SEMA6D: variants seen among roughly 807,000 people sequenced by gnomAD.
The protein encoded by SEMA6D is semaphorin-6D.
SEMA6D carries 35 observed loss-of-function variants against 106.6 expected under a neutral mutation model. The ratio of observed to expected loss-of-function variants is 0.33; its 90% CI spans 0.25 to 0.44. SEMA6D has a LOEUF of 0.44. Among genes scored for constraint, SEMA6D ranks in the 20% least tolerant of loss-of-function variants. The probability of loss-of-function intolerance (pLI) is 1.00; values close to 1 mark genes in which losing one functional copy is unlikely to be tolerated. For missense variants in SEMA6D, 1,185 were observed against 1,345.9 expected (o/e 0.88, Z 1.87); for synonymous variants, 499 against 487.7 (o/e 1.02, Z -0.31).
At chr15:47,584,807 A>G (rs890190436) in intron 3 of SEMA6D, among the ~76,000 whole-genome samples, 2 of 152,184 alleles carry the variant, frequency 1.3e-5, no homozygotes, top group African/African-American at 2.4e-5. Context: ...TTTTTCATTC[A>G]TGCATGTATT....
In SEMA6D at chr15:47,758,987, C is replaced by T. The variant is rs908190564; in HGVS notation, c.-54-758C>T. Among the ~76,000 whole-genome samples the T allele has an allele frequency of 2.0e-5, 3 of 152,140 alleles. No homozygotes were observed. The East Asian group carries it at 5.8e-4, about 29-fold the overall frequency. ...TGAAGTTCAATAAAGCTAAAAGGAC[C>T]GGTGTACTTAGGGTATTGGTTTGTG... On this transcript the variant is annotated intron_variant, in intron 1 of 18. Transcript: ENST00000536845.
At chr15:47,510,753 T>C (rs1251592480) in intron 3 of SEMA6D, among the ~76,000 whole-genome samples, 2 of 152,050 alleles carry the variant, frequency 1.3e-5, no homozygotes, top group African/African-American at 2.4e-5. Flanking sequence ...AAGTGGGGCT[T>C]GAGCTAAGCA....
chr15:47,757,653 C>G (rs1000187988), intron 1 of SEMA6D, among the ~76,000 whole-genome samples: 1 of 152,046 alleles, frequency 6.6e-6, no homozygotes, highest in Non-Finnish European at 1.5e-5. Flanking sequence ...CTTTATTTTC[C>G]AGGTCCAATA....
At position 47,764,993 on chromosome 15, in the gene SEMA6D, C is replaced by A. The variant is rs370604651; in HGVS notation, c.1364C>A (p.Thr455Asn). 6.2e-6 allele frequency: 10 copies of A among 1,613,794 alleles called. No homozygotes were observed. In the African/African-American group the frequency reaches 1.2e-4, roughly 19 times the overall value. ...AGMVLKVLAK[T>N]SPFSLNDSVL... ...ATGGTACTTAAAGTTCTGGCAAAGA[C>A]CAGTCCTTTCTCTTTGAACGACAGC... The change falls in exon 13 of 19, where the codon ACC becomes AAC. Residue 455 changes from threonine to asparagine, a missense_variant. By Grantham distance (65) the Thr-to-Asn change is moderately conservative. This residue lies in a region of SEMA6D where 750 missense variants were observed against 783.5 expected (regional missense o/e 0.96). Transcript: ENST00000536845.
At chr15:47,438,126 C>T (rs2041778327) in intron 2 of SEMA6D, among the ~76,000 whole-genome samples, 1 of 152,050 alleles carries the variant, frequency 6.6e-6, no homozygotes, top group African/African-American at 2.4e-5. Context: ...CTGCTCACAC[C>T]CAAACTTCTT....
At chr15:47,671,159 GA>G (rs2078128937) in intron 4 of SEMA6D, among the ~76,000 whole-genome samples, 1 of 152,148 alleles carries the variant, frequency 6.6e-6, no homozygotes, top group Non-Finnish European at 1.5e-5. Flanking sequence ...AATTGAGTTA[GA>G]AAAGGAAACT....
chr15:47,497,860 T>C (rs534137601), intron 3 of SEMA6D, among the ~76,000 whole-genome samples: 1 of 152,256 alleles, frequency 6.6e-6, no homozygotes, highest in Admixed American at 6.5e-5. Flanking sequence ...TCTTTGGCCT[T>C]CTTTGGCTTC....
At chr15:47,280,082 G>T (rs2035039803) in intron 1 of SEMA6D, among the ~76,000 whole-genome samples, 1 of 151,708 alleles carries the variant, frequency 6.6e-6, no homozygotes, top group Admixed American at 6.6e-5. Context: ...CTATTGATTG[G>T]AATAGTTTCA....
intron 1 of SEMA6D, among the ~76,000 whole-genome samples, chr15:47,754,329 G>C (rs1489768416): frequency 6.6e-6 from 1 of 152,098 alleles, no homozygotes; most frequent in Non-Finnish European, 1.5e-5. Flanking sequence ...ATTTCTTTTA[G>C]TTTGCATCTG....
intron 1 of SEMA6D, among the ~76,000 whole-genome samples, chr15:47,379,017 T>C (rs1358242827): frequency 6.6e-6 from 1 of 152,134 alleles, no homozygotes; most frequent in Admixed American, 6.5e-5. Flanking sequence ...ACAGAAAGGG[T>C]AGAATTATGT....
chr15:47,192,904 T>A (rs1894062114), intron 1 of SEMA6D, among the ~76,000 whole-genome samples: 1 of 152,198 alleles, frequency 6.6e-6, no homozygotes, highest in South Asian at 2.1e-4. Context: ...GGCATTTCTC[T>A]TACCTAGTAT....
intron 4 of SEMA6D, among the ~76,000 whole-genome samples, chr15:47,634,678 C>T (rs1345850596): frequency 2.0e-5 from 3 of 152,142 alleles, no homozygotes; most frequent in Admixed American, 6.5e-5. Flanking sequence ...AGGCTCAACC[C>T]ACCACTAGAC....
At chr15:47,584,876 C>T (rs2076310541) in intron 3 of SEMA6D, among the ~76,000 whole-genome samples, 1 of 152,086 alleles carries the variant, frequency 6.6e-6, no homozygotes, top group Admixed American at 6.6e-5. Flanking sequence ...TCACCTTGCT[C>T]CAGGGTTTCT....
At chr15:47,559,533 A>G (rs1030664766) in intron 3 of SEMA6D, among the ~76,000 whole-genome samples, 3 of 152,170 alleles carry the variant, frequency 2.0e-5, no homozygotes, top group Non-Finnish European at 4.4e-5. Flanking sequence ...GTTAAAGCTT[A>G]GTAGAAGCTA....
chr15:47,689,325 A>G (rs2078535231), intron 4 of SEMA6D, among the ~76,000 whole-genome samples: 1 of 152,238 alleles, frequency 6.6e-6, no homozygotes, highest in Non-Finnish European at 1.5e-5. Context: ...AGAAGATGCT[A>G]TAAGAAGGCA....
At chr15:47,758,371 G>A (rs1351612704) in intron 1 of SEMA6D, among the ~76,000 whole-genome samples, 1 of 152,100 alleles carries the variant, frequency 6.6e-6, no homozygotes, top group Non-Finnish European at 1.5e-5. Flanking sequence ...AAAGTTCTTA[G>A]ATATGTAAGA....
intron 1 of SEMA6D, among the ~76,000 whole-genome samples, chr15:47,188,254 T>C (rs899068666): frequency 2.6e-5 from 4 of 152,194 alleles, no homozygotes; most frequent in Non-Finnish European, 4.4e-5. Context: ...AACACATTGA[T>C]TAAGTGATTC....
intron 3 of SEMA6D, among the ~76,000 whole-genome samples, chr15:47,499,928 G>A (rs1189562065): frequency 7.7e-6 from 1 of 129,252 alleles, no homozygotes; most frequent in Non-Finnish European, 1.7e-5. Flanking sequence ...TACCCATGGA[G>A]GTTCTTGACA....
chr15:47,644,334 AT>A (rs1344300111), intron 4 of SEMA6D, among the ~76,000 whole-genome samples: 2 of 152,212 alleles, frequency 1.3e-5, no homozygotes, highest in African/African-American at 4.8e-5. Flanking sequence ...TCATTGTGTC[AT>A]GTATAATGCC....
Sources: gnomAD v4.1 joint callset for allele counts (sites outside exome capture counted in the v4.1 genomes callset) on GRCh38, gnomAD v4.1.1 for gene constraint, gnomAD v4.1.1 regional missense constraint, MANE v1.5 for transcripts, NCBI Gene and HGNC (gene_info 2026-07-23, HGNC 2026-07-21) for gene names.